Variants in LARGE1 observed in about 807,000 individuals in gnomAD.
The protein encoded by LARGE1 is xylosyl- and glucuronyltransferase LARGE1.
A neutral mutation model predicts 87.6 loss-of-function variants in LARGE1; 43 were observed. The ratio of observed to expected loss-of-function variants is 0.49; its 90% CI spans 0.38 to 0.63. The LOEUF is 0.63. LARGE1 is among the 30% of genes least tolerant of loss of function. The pLI is 0.00. For synonymous variants in LARGE1, 434 were observed against 394.6 expected (o/e 1.10, Z -1.18); for missense variants, 802 against 1,000.2 (o/e 0.80, Z 2.67).
chr22:33,321,609 A>T (rs1936719027), intron 10 of LARGE1, among the ~76,000 whole-genome samples: 1 of 152,222 alleles, frequency 6.6e-6, no homozygotes, highest in African/African-American at 2.4e-5. Context: ...GCTCAGAAGA[A>T]TGAAGGGCTT....
At chr22:33,913,432 G>C (rs960270801) in intron 1 of LARGE1, among the ~76,000 whole-genome samples, 1 of 152,238 alleles carries the variant, frequency 6.6e-6, no homozygotes, top group South Asian at 2.1e-4. Context: ...TAGCGGTAAT[G>C]ACAGTTTACA....
intron 11 of LARGE1, among the ~76,000 whole-genome samples, chr22:33,167,692 G>C (rs150035247): frequency 3.9e-5 from 6 of 152,164 alleles, no homozygotes; most frequent in Non-Finnish European, 5.9e-5. Flanking sequence ...CCAAGAATCC[G>C]AGTTCTTAAC....
rs73881986 is a variant in LARGE1 at position 33,191,944 on chromosome 22, C to G, written c.1731-25112G>C. Among the ~76,000 whole-genome samples, 1,230 of 152,204 alleles carry G rather than the reference C, an allele frequency of 8.1e-3. 7 individuals carry two copies. Among genetic ancestry groups the G allele is most frequent in the Middle Eastern group, 0.02 (6 of 294 alleles). On this transcript the variant is annotated intron_variant, in intron 11 of 11. Coordinates refer to the LARGE1 transcript ENST00000608642. ...TCCTTAAACCTTTTAGAACTGGGCT[C>G]TTATATGACTTCAAGCATAATCAGA... is the stretch of plus-strand genomic sequence containing the variant.
chr22:33,618,461 T>C (rs1033947099), intron 4 of LARGE1, among the ~76,000 whole-genome samples: 5 of 152,204 alleles, frequency 3.3e-5, no homozygotes, highest in Non-Finnish European at 7.3e-5. Context: ...CGGGATAACA[T>C]TCAAATACAA....
At chr22:33,784,901 T>C (rs1201423682) in intron 1 of LARGE1, among the ~76,000 whole-genome samples, 1 of 122,384 alleles carries the variant, frequency 8.2e-6, no homozygotes, top group Admixed American at 7.8e-5. Context: ...ATATATACTG[T>C]ATATTATATG....
chr22:33,528,525 C>T (rs1170179747), intron 6 of LARGE1, among the ~76,000 whole-genome samples: 1 of 152,144 alleles, frequency 6.6e-6, no homozygotes, highest in Non-Finnish European at 1.5e-5. Context: ...GGTTTTGATC[C>T]TCTGATGTCA....
At chr22:33,514,883 C>CT (rs1346223488) in intron 6 of LARGE1, among the ~76,000 whole-genome samples, 1 of 148,196 alleles carries the variant, frequency 6.7e-6, no homozygotes, top group Non-Finnish European at 1.5e-5. Flanking sequence ...CCTAAGCTCA[C>CT]TGAGGCTGTC....
At chr22:33,873,037 G>T (rs2064347252) in intron 1 of LARGE1, 1 of 151,836 alleles carries the variant, frequency 6.6e-6, no homozygotes, top group Non-Finnish European at 1.5e-5. Flanking sequence ...AAGTGAACTA[G>T]CTGGGAAAAC....
chr22:33,305,350 G>GGA (rs1934733785), intron 11 of LARGE1, among the ~76,000 whole-genome samples: 1 of 114,690 alleles, frequency 8.7e-6, no homozygotes, highest in Non-Finnish European at 1.7e-5. Context: ...AGAGCCCAGG[G>GGA]AAAAAATTAA....
At chr22:33,422,050 T>C (rs986484764) in intron 7 of LARGE1, among the ~76,000 whole-genome samples, 2 of 152,228 alleles carry the variant, frequency 1.3e-5, no homozygotes, top group African/African-American at 4.8e-5. Context: ...AGGAGCATTA[T>C]CTTACTCATT....
intron 7 of LARGE1, among the ~76,000 whole-genome samples, chr22:33,407,671 A>G (rs1658177211): frequency 1.1e-5 from 1 of 90,294 alleles, no homozygotes; most frequent in African/African-American, 4.7e-5. Flanking sequence ...GTGGAAAGCT[A>G]ACTGGTGCAG....
intron 1 of LARGE1, among the ~76,000 whole-genome samples, chr22:33,804,678 C>T (rs1317618663): frequency 6.6e-6 from 1 of 152,160 alleles, no homozygotes. Flanking sequence ...GACTAAAGTG[C>T]CTGGCTTAAA....
chr22:33,270,561 C>T (rs950110359), downstream of LARGE1, among the ~76,000 whole-genome samples: 1 of 152,074 alleles, frequency 6.6e-6, no homozygotes, highest in Non-Finnish European at 1.5e-5. Flanking sequence ...GATAATAATA[C>T]CTCCCTTATT....
intron 11 of LARGE1, 100 bp downstream of exon 11, chr22:33,315,985 A>G: frequency 7.4e-7 from 1 of 1,343,248 alleles, no homozygotes; most frequent in Non-Finnish European, 1.0e-6. Context: ...CTCCAATTTT[A>G]GCAGATGCAC....
At chr22:33,680,722 G>T (rs954240906) in intron 2 of LARGE1, among the ~76,000 whole-genome samples, 2 of 151,886 alleles carry the variant, frequency 1.3e-5, no homozygotes, top group African/African-American at 4.8e-5. Context: ...TTGACTTTCA[G>T]ATGTCTCATT....
At chr22:33,320,358 C>T (rs1936591738) in intron 10 of LARGE1, among the ~76,000 whole-genome samples, 1 of 152,178 alleles carries the variant, frequency 6.6e-6, no homozygotes, top group Non-Finnish European at 1.5e-5. Flanking sequence ...TTCCATTTAC[C>T]TTTCAAGATT....
chr22:33,282,943 C>G (rs1227997227), intron 13 of LARGE1, among the ~76,000 whole-genome samples: 1 of 152,174 alleles, frequency 6.6e-6, no homozygotes, highest in East Asian at 1.9e-4. Flanking sequence ...TCCTACCCTT[C>G]CACCCTCCAA....
At chr22:33,550,940 C>T (rs12169587) in intron 6 of LARGE1, among the ~76,000 whole-genome samples, 1,976 of 152,176 alleles carry the variant, frequency 0.013, 43 homozygotes, top group African/African-American at 0.045. Context: ...GTGAAACAAG[C>T]CAGACAGGGA....
At chr22:33,548,004 C>T (rs1384395735) in intron 6 of LARGE1, among the ~76,000 whole-genome samples, 1 of 152,054 alleles carries the variant, frequency 6.6e-6, no homozygotes, top group East Asian at 1.9e-4. Context: ...CCCCACCCCC[C>T]AACTCCCAAT....
Sources: gnomAD v4.1 joint callset for allele counts (sites outside exome capture counted in the v4.1 genomes callset) on GRCh38, gnomAD v4.1.1 for gene constraint, MANE v1.5 for transcripts, NCBI Gene and HGNC (gene_info 2026-07-23, HGNC 2026-07-21) for gene names.